The following ATG5 variants were observed in gnomAD, a reference collection of about 807,000 sequenced individuals.
ATG5 encodes the protein autophagy related 5.
In ATG5, 14 loss-of-function variants were observed where a neutral mutation model predicts 36.5. The observed-to-expected ratio is 0.38, with a 90% CI of 0.25 to 0.60. The LOEUF (loss-of-function observed/expected upper bound fraction) is 0.60, where lower values mean the gene tolerates loss of function less well. Among genes scored for constraint, ATG5 ranks in the 20% least tolerant of loss-of-function variants. The pLI, the probability that ATG5 is intolerant of heterozygous loss-of-function variation, is 0.60. For missense variants in ATG5, 195 were observed against 326.7 expected, an observed-to-expected ratio of 0.60 and a Z score of 3.11; for synonymous variants, 95 against 101.5, an observed-to-expected ratio of 0.94 and a Z score of 0.38.
At chr6:106,256,987 G>T (rs560401094) in intron 5 of ATG5, among the ~76,000 whole-genome samples, 1 of 152,046 alleles carries the variant, frequency 6.6e-6, no homozygotes, top group Admixed American at 6.6e-5. Flanking sequence ...ACGTACAGCC[G>T]CATAAAAACA....
Position 106,308,501 on chromosome 6 carries a change from A to T in ATG5, c.109-10T>A, listed in dbSNP as rs1164176071. On this transcript the variant is annotated splice_polypyrimidine_tract_variant and intron_variant, in intron 2 of 7. Transcript: ENST00000369076. Reference sequence around the variant, plus strand: ...CTCTTGGCAAAAGCAACTGAAATGAAAATTTGTAAAACCGTATTTATTTAC... The same window carrying T: ...CTCTTGGCAAAAGCAACTGAAATGATAATTTGTAAAACCGTATTTATTTAC... 6.5e-7 allele frequency: 1 copy of T among 1,537,340 alleles called. No individual in the cohort carries two copies. The highest frequency in any genetic ancestry group is 8.7e-7 in the Non-Finnish European group (1 of 1,143,324).
intron 6 of ATG5, among the ~76,000 whole-genome samples, chr6:106,223,654 A>G (rs1053090004): frequency 3.9e-5 from 6 of 152,260 alleles, no homozygotes; most frequent in African/African-American, 1.4e-4. Flanking sequence ...ACAGTCTCTG[A>G]GAACCATCTA....
intron 7 of ATG5, among the ~76,000 whole-genome samples, chr6:106,195,808 TA>T (rs35892579): frequency 0.19 from 17,808 of 91,348 alleles, 1,249 homozygotes; most frequent in South Asian, 0.29. Flanking sequence ...TGCTCCCCTC[TA>T]AAAAAAAAAA....
chr6:106,201,299 G>A (rs1299040899), intron 7 of ATG5, among the ~76,000 whole-genome samples: 1 of 151,934 alleles, frequency 6.6e-6, no homozygotes, highest in East Asian at 1.9e-4. Context: ...GTGTGTGTGT[G>A]TGTGTGTCTC....
chr6:106,322,409 T>A (rs925756365), intron 1 of ATG5, among the ~76,000 whole-genome samples: 2 of 152,056 alleles, frequency 1.3e-5, no homozygotes, highest in Admixed American at 1.3e-4. Context: ...AGAAAAAAAA[T>A]TATAATCTAT....
chr6:106,293,387 A>G (rs1321227176), intron 3 of ATG5, among the ~76,000 whole-genome samples: 2 of 152,236 alleles, frequency 1.3e-5, no homozygotes, highest in African/African-American at 2.4e-5. Flanking sequence ...CTGTTATGTC[A>G]CAGTACTGTT....
At chr6:106,314,854 G>C (rs924900232) in intron 2 of ATG5, among the ~76,000 whole-genome samples, 2 of 152,136 alleles carry the variant, frequency 1.3e-5, no homozygotes, top group African/African-American at 4.8e-5. Flanking sequence ...TTTCTAGACA[G>C]AAAACGGTTG....
At chr6:106,221,338 T>TC (rs1324503652) in intron 6 of ATG5, among the ~76,000 whole-genome samples, 2 of 152,210 alleles carry the variant, frequency 1.3e-5, no homozygotes, top group African/African-American at 2.4e-5. Context: ...AGCTCTATTT[T>TC]CAACAGTTAT....
intron 5 of ATG5, among the ~76,000 whole-genome samples, chr6:106,275,161 G>C (rs1392584928): frequency 6.6e-6 from 1 of 152,110 alleles, no homozygotes; most frequent in Non-Finnish European, 1.5e-5. Context: ...AGCATCAGTA[G>C]GAGTTAAAGG....
At chr6:106,206,777 T>C (rs141068820) in intron 6 of ATG5, among the ~76,000 whole-genome samples, 48 of 152,302 alleles carry the variant, frequency 3.2e-4, no homozygotes, top group African/African-American at 1.1e-3. Context: ...ACAGAGGTTC[T>C]TAAGGGCAAT....
At chr6:106,296,571 A>C (rs1264828192) in intron 3 of ATG5, among the ~76,000 whole-genome samples, 1 of 152,198 alleles carries the variant, frequency 6.6e-6, no homozygotes, top group Non-Finnish European at 1.5e-5. Flanking sequence ...TAATCCCAGC[A>C]CTTTGGGAGG....
chr6:106,218,864 C>T (rs900409183), intron 6 of ATG5, among the ~76,000 whole-genome samples: 3 of 152,030 alleles, frequency 2.0e-5, no homozygotes, highest in African/African-American at 7.2e-5. Context: ...TTTAGCAAAG[C>T]TTTGCTTTTA....
intron 5 of ATG5, among the ~76,000 whole-genome samples, chr6:106,252,561 G>A (rs1278715899): frequency 6.6e-6 from 1 of 152,026 alleles, no homozygotes; most frequent in Non-Finnish European, 1.5e-5. Context: ...TGGACAAACT[G>A]CAGGAAAAAG....
chr6:106,285,145 C>T (rs550957925), intron 4 of ATG5, among the ~76,000 whole-genome samples: 9 of 152,302 alleles, frequency 5.9e-5, no homozygotes, highest in African/African-American at 1.9e-4. Context: ...TAACTTCTAT[C>T]GATCTGTCTT....
At position 106,301,683 on chromosome 6, in the gene ATG5, C is replaced by G. The variant is rs1766191; in HGVS notation, c.236+6681G>C. Among the ~76,000 whole-genome samples, 1,026 of 152,088 alleles carry G rather than the reference C, an allele frequency of 6.7e-3. 19 individuals are homozygous for G. The highest frequency in any genetic ancestry group is 0.023 in the African/African-American group (951 of 41,522). On this transcript the variant is annotated intron_variant, in intron 3 of 7. Coordinates refer to ENST00000369076, the MANE Select transcript of ATG5 (RefSeq NM_004849.4). Reference sequence around the variant, plus strand: ...GACATGATGCTCAAAGGAACTGCTGCTTATTGAAGCATTTCGCATTTCAGA... The same window carrying G: ...GACATGATGCTCAAAGGAACTGCTGGTTATTGAAGCATTTCGCATTTCAGA...
At chr6:106,265,168 CAAA>C (rs748718301) in intron 5 of ATG5, among the ~76,000 whole-genome samples, 14 of 56,724 alleles carry the variant, frequency 2.5e-4, no homozygotes, top group Admixed American at 6.0e-4. Context: ...AAATGGAAAG[CAAA>C]AAAAAAAAAA....
chr6:106,297,763 C>CAT (rs1668391454), intron 3 of ATG5, among the ~76,000 whole-genome samples: 1 of 113,240 alleles, frequency 8.8e-6, no homozygotes, highest in Non-Finnish European at 1.8e-5. Flanking sequence ...CACACACACA[C>CAT]ACATATATAT....
At chr6:106,319,505 T>C (rs183794699) in intron 1 of ATG5, among the ~76,000 whole-genome samples, 34 of 152,340 alleles carry the variant, frequency 2.2e-4, no homozygotes, top group Admixed American at 1.3e-4. Flanking sequence ...AAACATACTA[T>C]GCACTTTCTG....
chr6:106,202,723 G>A (rs771025160), intron 6 of ATG5, among the ~76,000 whole-genome samples: 10 of 152,022 alleles, frequency 6.6e-5, no homozygotes, highest in African/African-American at 2.4e-4. Context: ...GTGCAGTGGC[G>A]CGATCTCAGC....
Sources: gnomAD v4.1 joint callset for allele counts (sites outside exome capture counted in the v4.1 genomes callset) on GRCh38, gnomAD v4.1.1 for gene constraint, MANE v1.5 for transcripts, NCBI Gene and HGNC (gene_info 2026-07-23, HGNC 2026-07-21) for gene names.